The following SLX9 variants were observed in gnomAD, a reference collection of about 807,000 sequenced individuals.
SLX9 encodes the protein ribosome biogenesis protein SLX9 homolog.
In SLX9, 19 loss-of-function variants were observed where a neutral mutation model predicts 20.8. That is an observed-to-expected ratio of 0.91 (90% CI 0.64 to 1.34). The LOEUF is 1.34. Ranked by LOEUF, SLX9 falls within the 40% of genes most tolerant of loss-of-function variation. The probability of loss-of-function intolerance (pLI) is 0.00; values close to 1 mark genes in which losing one functional copy is unlikely to be tolerated. For missense variants in SLX9, 299 were observed against 322.2 expected, an observed-to-expected ratio of 0.93 and a Z score of 0.55; for synonymous variants, 113 against 137.1, an observed-to-expected ratio of 0.82 and a Z score of 1.23.
At chr21:44,968,472 G>A (rs9753970) in intron 4 of SLX9, among the ~76,000 whole-genome samples, 7 of 152,358 alleles carry the variant, frequency 4.6e-5, no homozygotes, top group Middle Eastern at 3.4e-3. Context: ...CTGTCACCTC[G>A]CAGGGGATGC....
intron 3 of SLX9, among the ~76,000 whole-genome samples, chr21:44,965,874 G>A (rs2085024635): frequency 6.6e-6 from 1 of 152,124 alleles, no homozygotes; most frequent in African/African-American, 2.4e-5. Flanking sequence ...CTTCCAGGGT[G>A]CCCTGGCTCT....
intron 1 of SLX9, 62 bp downstream of exon 1, chr21:44,940,248 G>A (rs894103030): frequency 8.1e-5 from 97 of 1,198,806 alleles, no homozygotes; most frequent in Non-Finnish European, 9.5e-5. Context: ...TGAGCTGCGG[G>A]GCGCCGCCTC....
chr21:44,955,254 CA>C (rs1186130331), intron 2 of SLX9, among the ~76,000 whole-genome samples: 1 of 151,196 alleles, frequency 6.6e-6, no homozygotes, highest in Non-Finnish European at 1.5e-5. Flanking sequence ...CAGAGAGAGA[CA>C]GGGGCCCTCC....
intron 4 of SLX9, among the ~76,000 whole-genome samples, chr21:44,971,548 C>T (rs2085150063): frequency 6.6e-6 from 1 of 152,178 alleles, no homozygotes; most frequent in Non-Finnish European, 1.5e-5. Flanking sequence ...GCATTGGTCC[C>T]ACCCCCACTG....
At chr21:44,955,111 G>A (rs921874878) in intron 2 of SLX9, among the ~76,000 whole-genome samples, 2 of 151,664 alleles carry the variant, frequency 1.3e-5, no homozygotes, top group African/African-American at 4.8e-5. Flanking sequence ...AGCTGCTCCG[G>A]AGGCTGAGGC....
intron 4 of SLX9, among the ~76,000 whole-genome samples, chr21:44,971,390 GT>G (rs5844209): frequency 1 from 152,191 of 152,194 alleles, 76,094 homozygotes; most frequent in Middle Eastern, 1. Context: ...ACCCCACTGG[GT>G]AGGCTGTGCG....
At chr21:44,972,116 C>T (rs2838749) in intron 4 of SLX9, among the ~76,000 whole-genome samples, 84,567 of 151,956 alleles carry the variant, frequency 0.56, 25,277 homozygotes, top group South Asian at 0.78. Flanking sequence ...TCTCCTGGCC[C>T]GAGGCTAAGT....
At chr21:44,962,420 C>T (rs1179676895) in intron 3 of SLX9, among the ~76,000 whole-genome samples, 1 of 152,198 alleles carries the variant, frequency 6.6e-6, no homozygotes, top group East Asian at 1.9e-4. Flanking sequence ...TAAATGGAAT[C>T]ATGTAGGATG....
intron 2 of SLX9, among the ~76,000 whole-genome samples, chr21:44,949,397 G>A (rs540778984): frequency 1.3e-5 from 2 of 152,234 alleles, no homozygotes; most frequent in South Asian, 4.1e-4. Context: ...AGGCGGCCCT[G>A]CACCATAGCC....
At chr21:44,941,284 CCTT>C (rs150924414) in intron 1 of SLX9, among the ~76,000 whole-genome samples, 3,731 of 152,116 alleles carry the variant, frequency 0.025, 164 homozygotes, top group African/African-American at 0.086. Context: ...AGCAGGTGGG[CCTT>C]CTTTGAATGT....
chr21:44,945,986 G>C (rs1468054316), intron 2 of SLX9, among the ~76,000 whole-genome samples: 3 of 151,972 alleles, frequency 2.0e-5, no homozygotes, highest in Non-Finnish European at 4.4e-5. Context: ...TGCCTGTCTT[G>C]GCCTCTCAAA....
Position 44,943,809 on chromosome 21 carries a change from T to C in SLX9, c.255T>C (p.Ser85=), listed in dbSNP as rs768595822. 1.2e-6 allele frequency: 2 copies of C among 1,612,700 alleles called. No individual in the cohort carries two copies. Among genetic ancestry groups the C allele is most frequent in the East Asian group, 2.2e-5 (1 of 44,782 alleles). ...TCAGGAGAGGTGAGGCAGGCTCGAG[T>C]GCACGGAGCGTCCCTTCCATCAGGA... The part of the protein sequence containing the change: ...TSVRRGEAGS[S]ARSVPSIRRG... The change falls in exon 2 of 6, where the codon AGT becomes AGC. Residue 85 remains serine, a synonymous_variant. Coordinates refer to ENST00000291634, the MANE Select transcript of SLX9 (RefSeq NM_058190.4).
At position 44,969,870 on chromosome 21, in the gene SLX9, G is replaced by A. The variant is rs59790732; in HGVS notation, c.500+2689G>A. Among the ~76,000 whole-genome samples, 905 of 152,330 alleles carry A rather than the reference G, an allele frequency of 5.9e-3. 8 individuals carry two copies. The highest frequency in any genetic ancestry group is 0.021 in the African/African-American group (856 of 41,560). ...TCAGATGTCATGGCTCCCTCGGCCC[G>A]TCTTGGCTGTGAGTTTCTCAGACTC... On this transcript the variant is annotated intron_variant, in intron 4 of 5. Coordinates refer to ENST00000291634, the MANE Select transcript of SLX9 (RefSeq NM_058190.4).
At chr21:44,953,517 C>CCCGGCGGTGGGGCCCTGCATCT (rs2084799181) in intron 2 of SLX9, among the ~76,000 whole-genome samples, 1 of 152,028 alleles carries the variant, frequency 6.6e-6, no homozygotes, top group South Asian at 2.1e-4. Flanking sequence ...GCCCTGCATC[C>CCCGGCGGTGGGGCCCTGCATCT]GGGCCTCGGG....
In SLX9 at chr21:44,940,086, G is replaced by C; in HGVS notation, c.29G>C (p.Arg10Pro). MGKVRGLRARVHQAAVRPKG... is the reference protein window; with the variant it reads MGKVRGLRAPVHQAAVRPKG... ...GGGAAAGTGAGGGGGTTGCGCGCCC[G>C]AGTGCACCAGGCTGCCGTGAGGCCG... Residue 10 changes from arginine to proline, a missense_variant, in exon 1 of 6, where the codon CGA (arginine) becomes CCA (proline). By Grantham distance (103) the Arg-to-Pro change is moderately radical. Coordinates refer to ENST00000291634, the MANE Select transcript of SLX9 (RefSeq NM_058190.4). 2.7e-6 allele frequency: 4 copies of C among 1,458,192 alleles called. No homozygotes were observed. Among genetic ancestry groups the C allele is most frequent in the Non-Finnish European group, 3.6e-6 (4 of 1,103,432 alleles). The allele number at this position is 1,458,192 out of a possible 1,614,324, so 90.3% of individuals were successfully genotyped here. A position where few individuals can be genotyped will look rare whatever the true frequency, so the allele number is the denominator to read the frequency against.
chr21:44,968,557 ACATG>A (rs1027234311), intron 4 of SLX9, among the ~76,000 whole-genome samples: 1 of 152,132 alleles, frequency 6.6e-6, no homozygotes, highest in African/African-American at 2.4e-5. Context: ...TGCCTGGGTC[ACATG>A]CACGTGAAAG....
At chr21:44,973,304 T>G in intron 5 of SLX9, 39 bp downstream of exon 5, 1 of 1,607,316 alleles carries the variant, frequency 6.2e-7, no homozygotes, top group Non-Finnish European at 8.5e-7. Flanking sequence ...GTTCAGCTCC[T>G]GAGTGCCCTC....
chr21:44,959,733 C>A (rs77112680), intron 2 of SLX9, among the ~76,000 whole-genome samples: 2 of 152,212 alleles, frequency 1.3e-5, no homozygotes, highest in African/African-American at 4.8e-5. Context: ...CTGTTCGTGG[C>A]CCCCTTCATG....
At chr21:44,973,140 G>C (rs1202314020) in intron 4 of SLX9, 57 bp from the exon 5 acceptor site, 1 of 1,596,764 alleles carries the variant, frequency 6.3e-7, no homozygotes, top group Non-Finnish European at 8.6e-7. Context: ...CTCTGCCCAC[G>C]GGAAGGTGTT....
Sources: gnomAD v4.1 joint callset for allele counts (sites outside exome capture counted in the v4.1 genomes callset) on GRCh38, gnomAD v4.1.1 for gene constraint, MANE v1.5 for transcripts, NCBI Gene and HGNC (gene_info 2026-07-23, HGNC 2026-07-21) for gene names.